The following KCNJ9 variants were observed in gnomAD, a reference collection of about 807,000 sequenced individuals.
KCNJ9 encodes the protein G protein-activated inward rectifier potassium channel 3.
Under a neutral mutation model 27.9 loss-of-function variants are expected in KCNJ9, and 18 were observed. The ratio of observed to expected loss-of-function variants is 0.65; its 90% confidence interval spans 0.45 to 0.96. The LOEUF (loss-of-function observed/expected upper bound fraction) is 0.96, where lower values mean the gene tolerates loss of function less well. Ranked by LOEUF, KCNJ9 falls within the 40% of genes least tolerant of loss-of-function variation. KCNJ9 has a pLI of 0.00. For synonymous variants in KCNJ9, 229 were observed against 248.2 expected (o/e 0.92, Z 0.73); for missense variants, 324 against 557.5 (o/e 0.58, Z 4.22).
At chr1:160,085,641 A>G (rs542855255) in intron 2 of KCNJ9, among the ~76,000 whole-genome samples, 59 of 150,788 alleles carry the variant, frequency 3.9e-4, no homozygotes, top group African/African-American at 1.4e-3. Flanking sequence ...CTGTGATGTC[A>G]ATAAGTCCAA....
At position 160,087,661 on chromosome 1, in the gene KCNJ9, C is replaced by T. The variant is rs750498821; in HGVS notation, c.1026C>T (p.Ala342=). ...SCSARELAEA[A]ARLDAHLYWS... is the part of the protein sequence containing the mutation. Reference sequence around the variant, plus strand: ...GTGCTCGAGAGCTGGCAGAGGCTGCCGCCCGCCTTGATGCCCATCTCTACT... The same window carrying T: ...GTGCTCGAGAGCTGGCAGAGGCTGCTGCCCGCCTTGATGCCCATCTCTACT... The change falls in exon 3 of 3, where the codon GCC becomes GCT. Residue 342 remains alanine, a synonymous_variant. Coordinates refer to ENST00000368088, the MANE Select transcript of KCNJ9 (RefSeq NM_004983.3). 37 of 1,609,688 alleles carry T rather than the reference C, an allele frequency of 2.3e-5. No individual in the cohort carries two copies. Among genetic ancestry groups the T allele is most frequent in the Middle Eastern group, 1.7e-4 (1 of 6,022 alleles).
intron 2 of KCNJ9, 46 bp downstream of exon 2, chr1:160,084,926 CG>C: frequency 1.1e-6 from 1 of 900,324 alleles, no homozygotes; most frequent in Non-Finnish European, 1.6e-6. Flanking sequence ...AGAGGGTGGG[CG>C]GGACCGAGGA....
rs1482969935 is a variant in KCNJ9, at chr1:160,082,407, C to T, written c.-115+710C>T. ...CCATGGGGCTCTTGGACCCTGTGTCCCCTGACTCCATGGACAATAAATGCA... is the reference window on the plus strand; with the variant it reads ...CCATGGGGCTCTTGGACCCTGTGTCTCCTGACTCCATGGACAATAAATGCA... On this transcript the variant is annotated intron_variant, in intron 1 of 2. Transcript: ENST00000368088. 2.6e-5 allele frequency among the ~76,000 whole-genome samples: 4 copies of T among 152,144 alleles called. No homozygotes were observed. The South Asian group carries it at 8.3e-4, about 31-fold the overall frequency.
intron 1 of KCNJ9, among the ~76,000 whole-genome samples, chr1:160,082,178 T>G (rs971563275): frequency 5.9e-5 from 9 of 152,238 alleles, no homozygotes; most frequent in Non-Finnish European, 1.2e-4. Flanking sequence ...GCAAGCCGAC[T>G]GGGGGTCAGA....
intron 2 of KCNJ9, among the ~76,000 whole-genome samples, chr1:160,086,432 T>A (rs1649778238): frequency 6.6e-6 from 1 of 152,140 alleles, no homozygotes; most frequent in African/African-American, 2.4e-5. Flanking sequence ...AATCTGTCTG[T>A]TTTTCTAGAG....
At position 160,087,976 on chromosome 1, in the gene KCNJ9, A is replaced by G; in HGVS notation, c.*159A>G. 1 of 643,674 alleles carries G rather than the reference A, an allele frequency of 1.6e-6. No homozygotes were observed. Among genetic ancestry groups the G allele is most frequent in the Non-Finnish European group, 2.3e-6 (1 of 430,156 alleles). 39.9% of individuals were successfully genotyped at this position (643,674 alleles called of 1,614,324 possible). A position where few individuals can be genotyped will look rare whatever the true frequency, so the allele number is the denominator to read the frequency against. On this transcript the variant is annotated 3_prime_UTR_variant, in exon 3 of 3. Coordinates refer to ENST00000368088, the MANE Select transcript of KCNJ9 (RefSeq NM_004983.3). ...CCCCGTCCCCCAGAACCTCAAGTCT[A>G]GAAACCAGTATGGAAGGGAGGGGTC...
Position 160,087,847 on chromosome 1 carries a change from C to CG in KCNJ9, c.*35dup, listed in dbSNP as rs1649810248. 19 of 1,422,660 alleles carry CG rather than the reference C, an allele frequency of 1.3e-5. No individual in the cohort carries two copies. Among genetic ancestry groups the CG allele is most frequent in the Non-Finnish European group, 1.7e-5 (19 of 1,087,936 alleles). 88.1% of individuals were successfully genotyped at this position (1,422,660 alleles called of 1,614,324 possible). ...CTTCCTCCAGACCCCTGTGGCAGAC[C>CG]GGGGGCCAGACACAGATACATGGGG... On this transcript the variant is annotated 3_prime_UTR_variant, in exon 3 of 3. Coordinates refer to ENST00000368088, the MANE Select transcript of KCNJ9 (RefSeq NM_004983.3).
At position 160,081,663 on chromosome 1, in the gene KCNJ9, G is replaced by A. The variant is rs1480940295; in HGVS notation, c.-149G>A. 6.6e-6 allele frequency: 1 copy of A among 152,258 alleles called. No homozygotes were observed. The highest frequency in any genetic ancestry group is 2.4e-5 in the African/African-American group (1 of 41,468). The allele number at this position is 152,258 out of a possible 1,614,324, so 9.4% of individuals were successfully genotyped here. A position where few individuals can be genotyped will look rare whatever the true frequency, so the allele number is the denominator to read the frequency against. On this transcript the variant is annotated 5_prime_UTR_variant, in exon 1 of 3. Transcript: ENST00000368088. The stretch of plus-strand genomic sequence containing the variant: ...GGGGCATGGACGCCACCCCCCAGGG[G>A]TCTCTGCTGCCGGCTACTCTCCTCT...
At chr1:160,086,397 C>T (rs147110860) in intron 2 of KCNJ9, among the ~76,000 whole-genome samples, 29 of 152,180 alleles carry the variant, frequency 1.9e-4, no homozygotes, top group Non-Finnish European at 3.5e-4. Context: ...GCAGGGAGGA[C>T]CAGGACAGAG....
At position 160,084,717 on chromosome 1, in the gene KCNJ9, C is replaced by T. The variant is rs1390677654; in HGVS notation, c.687C>T (p.Ser229=). The T allele has an allele frequency of 1.9e-6, 3 of 1,588,698 alleles. No individual in the cohort carries two copies. The highest frequency in any genetic ancestry group is 2.7e-5 in the African/African-American group (2 of 74,460). ...EFIPLHQTDL[S]VGFDTGDDRL... ...TCCCGCTGCACCAGACCGACCTCAGCGTGGGCTTCGACACGGGAGACGACC... is the reference window on the plus strand; with the variant it reads ...TCCCGCTGCACCAGACCGACCTCAGTGTGGGCTTCGACACGGGAGACGACC... Residue 229 remains serine (S), a synonymous_variant, in exon 2 of 3, where the codon AGC becomes AGT. Coordinates refer to ENST00000368088, the MANE Select transcript of KCNJ9 (RefSeq NM_004983.3).
In KCNJ9 at chr1:160,089,050, C is replaced by T. The variant is rs1649839386; in HGVS notation, c.*1233C>T. On this transcript the variant is annotated 3_prime_UTR_variant, in exon 3 of 3. Coordinates refer to ENST00000368088, the MANE Select transcript of KCNJ9 (RefSeq NM_004983.3). Reference sequence around the variant, plus strand: ...TTTTTGGGCTCCACTCCAAGGGTTTCTGACCCAAGAGGTGGGGACCAAAAC... The same window carrying T: ...TTTTTGGGCTCCACTCCAAGGGTTTTTGACCCAAGAGGTGGGGACCAAAAC... The T allele has an allele frequency of 1.3e-5, 2 of 152,236 alleles. No individual in the cohort carries two copies. Among genetic ancestry groups the T allele is most frequent in the Non-Finnish European group, 2.9e-5 (2 of 68,054 alleles). The allele number at this position is 152,236 out of a possible 1,614,324, so 9.4% of individuals were successfully genotyped here. A position where few individuals can be genotyped will look rare whatever the true frequency, so the allele number is the denominator to read the frequency against.
Position 160,084,313 on chromosome 1 carries a change from A to G in KCNJ9, c.283A>G (p.Thr95Ala). Residue 95 changes from threonine (T) to alanine (A), a missense_variant, in exon 2 of 3, where the codon ACC becomes GCC. Physicochemically the swap from Thr to Ala is moderately conservative, Grantham distance 58. Coordinates refer to ENST00000368088, the MANE Select transcript of KCNJ9 (RefSeq NM_004983.3). Reference sequence around the variant, plus strand: ...CGGCGACCTGGAGCACCTGGAGGACACCGCGTGGACGCCGTGCGTCAACAA... The same window carrying G: ...CGGCGACCTGGAGCACCTGGAGGACGCCGCGTGGACGCCGTGCGTCAACAA... Reference protein sequence around the residue: ...GRGDLEHLEDTAWTPCVNNLN... With the variant: ...GRGDLEHLEDAAWTPCVNNLN... 1 of 1,613,456 alleles carries G rather than the reference A, an allele frequency of 6.2e-7. No homozygotes were observed. Among genetic ancestry groups the G allele is most frequent in the Non-Finnish European group, 8.5e-7 (1 of 1,179,952 alleles).
In KCNJ9 at chr1:160,090,544, A is replaced by G. The variant is rs1001300311; in HGVS notation, c.*2727A>G. 5 of 152,252 alleles carry G rather than the reference A, an allele frequency of 3.3e-5. No individual in the cohort carries two copies. Among genetic ancestry groups the G allele is most frequent in the African/African-American group, 4.8e-5 (2 of 41,440 alleles). The allele number at this position is 152,252 out of a possible 1,614,324, so 9.4% of individuals were successfully genotyped here. ...ACAGCAAACTCGTAATGCTCAATAA[A>G]TGTTTAAATAACAACTGAAGGAGGC... On this transcript the variant is annotated 3_prime_UTR_variant, in exon 3 of 3. Transcript: ENST00000368088.
rs1649744793 is a variant in KCNJ9, at chr1:160,084,672, G to C, written c.642G>C (p.Gln214His). 4.4e-6 allele frequency: 7 copies of C among 1,594,254 alleles called. No homozygotes were observed. The highest frequency in any genetic ancestry group is 6.0e-6 in the Non-Finnish European group (7 of 1,170,602). Residue 214 changes from glutamine to histidine, a missense_variant, in exon 2 of 3, where the codon CAG becomes CAC. By Grantham distance (24) the Gln-to-His change is conservative (BLOSUM62 0). This residue lies in a region of KCNJ9 where 241 missense variants were observed against 481.7 expected (regional missense o/e 0.50). Coordinates refer to ENST00000368088, the MANE Select transcript of KCNJ9 (RefSeq NM_004983.3). Reference protein sequence around the residue: ...SIRAKLIRSRQTLEGEFIPLH... With the variant: ...SIRAKLIRSRHTLEGEFIPLH... ...GCGCCAAGCTCATCCGCTCGCGCCA[G>C]ACGCTGGAGGGCGAGTTCATCCCGC... is the stretch of plus-strand genomic sequence containing the variant.
chr1:160,084,458 C>T lies in KCNJ9; in HGVS notation c.428C>T (p.Ala143Val). ...GGCATCGTGCTGCTGCTGCTGCAGG[C>T]CATCCTGGGCTCCATGGTGAACGCC... ...PEGIVLLLLQ[A>V]ILGSMVNAFM... is the part of the protein sequence containing the mutation. Residue 143 changes from alanine (A) to valine (V), a missense_variant, in exon 2 of 3, where the codon GCC becomes GTC. This residue lies in a region of KCNJ9 where 241 missense variants were observed against 481.7 expected (regional missense o/e 0.50). Transcript: ENST00000368088. 6.2e-7 allele frequency: 1 copy of T among 1,613,718 alleles called. No individual in the cohort carries two copies. Among genetic ancestry groups the T allele is most frequent in the Non-Finnish European group, 8.5e-7 (1 of 1,179,922 alleles).
At chr1:160,085,754 G>A (rs747591184) in intron 2 of KCNJ9, among the ~76,000 whole-genome samples, 1 of 152,224 alleles carries the variant, frequency 6.6e-6, no homozygotes, top group Non-Finnish European at 1.5e-5. Flanking sequence ...GAGGATAGAT[G>A]AGGATGAGGA....
rs370105266 is a variant in KCNJ9 at position 160,084,537 on chromosome 1, C to T, written c.507C>T (p.Ala169=). 18 of 1,612,482 alleles carry T rather than the reference C, an allele frequency of 1.1e-5. No individual in the cohort carries two copies. The Admixed American group carries it at 3.0e-4, about 27-fold the overall frequency. Residue 169 remains alanine, a synonymous_variant, in exon 2 of 3, where the codon GCC becomes GCT. Coordinates refer to ENST00000368088, the MANE Select transcript of KCNJ9 (RefSeq NM_004983.3). ...TCTCGCAGCCCAACAAGCGCGCAGC[C>T]ACGCTCGTCTTCTCCTCGCACGCCG... is the stretch of plus-strand genomic sequence containing the variant. The part of the protein sequence containing the change: ...VKISQPNKRA[A]TLVFSSHAVV...
Position 160,084,065 on chromosome 1 carries a change from A to T in KCNJ9, c.35A>T (p.Gln12Leu). Residue 12 changes from glutamine to leucine, a missense_variant, in exon 2 of 3, where the codon CAG becomes CTG. This residue lies in a region of KCNJ9 where 32 missense variants were observed against 31.7 expected (regional missense o/e 1.01). Coordinates refer to ENST00000368088, the MANE Select transcript of KCNJ9 (RefSeq NM_004983.3). ...GAGAACGCGGCCTTCTCGCCCGGGC[A>T]GGAGGAGCCGCCGCGGCGCCGCGGC... The part of the protein sequence containing the change: ...AQENAAFSPG[Q>L]EEPPRRRGRQ... The T allele has an allele frequency of 2.6e-6, 4 of 1,530,194 alleles. No individual in the cohort carries two copies. The highest frequency in any genetic ancestry group is 3.5e-6 in the Non-Finnish European group (4 of 1,142,266). 94.8% of individuals were successfully genotyped at this position (1,530,194 alleles called of 1,614,324 possible).
At position 160,089,962 on chromosome 1, in the gene KCNJ9, T is replaced by A. The variant is rs1030880319; in HGVS notation, c.*2145T>A. 2 of 152,318 alleles carry A rather than the reference T, an allele frequency of 1.3e-5. No homozygotes were observed. The highest frequency in any genetic ancestry group is 3.4e-3 in the Middle Eastern group (1 of 294). The allele number at this position is 152,318 out of a possible 1,614,324, so 9.4% of individuals were successfully genotyped here. A position where few individuals can be genotyped will look rare whatever the true frequency, so the allele number is the denominator to read the frequency against. ...CCTATGGGGCACAGCCAGGGTCCTA[T>A]GGGCATAGCCAGGGCCCTATGGGTC... is the stretch of plus-strand genomic sequence containing the variant. On this transcript the variant is annotated 3_prime_UTR_variant, in exon 3 of 3. Coordinates refer to ENST00000368088, the MANE Select transcript of KCNJ9 (RefSeq NM_004983.3).
Sources: allele counts gnomAD v4.1 joint callset (sites outside exome capture counted in the v4.1 genomes callset), GRCh38; gene constraint gnomAD v4.1.1; regional missense constraint gnomAD v4.1.1; transcripts MANE v1.5; gene names NCBI Gene and HGNC (gene_info 2026-07-23, HGNC 2026-07-21).